The following SEC14L5 variants were observed in gnomAD, a reference collection of about 807,000 sequenced individuals.
SEC14L5 encodes SEC14-like protein 5.
A neutral mutation model predicts 84.6 loss-of-function variants in SEC14L5; 96 were observed. The observed-to-expected ratio is 1.13, with a 90% confidence interval of 0.96 to 1.34. SEC14L5 has a LOEUF of 1.34. SEC14L5 is among the 40% of genes most tolerant of loss of function. The pLI is 0.00. For missense variants in SEC14L5, 1,224 were observed against 942.5 expected (o/e 1.30, Z -3.91); for synonymous variants, 546 against 383.4 (o/e 1.42, Z -4.95).
At chr16:4,971,431 C>G (rs1955278448) in intron 2 of SEC14L5, among the ~76,000 whole-genome samples, 1 of 152,186 alleles carries the variant, frequency 6.6e-6, no homozygotes, top group African/African-American at 2.4e-5. Flanking sequence ...TGCACTCCAG[C>G]CTGGGTGATA....
intron 8 of SEC14L5, among the ~76,000 whole-genome samples, chr16:5,000,405 TG>T (rs754112440): frequency 6.6e-6 from 1 of 152,244 alleles, no homozygotes. Flanking sequence ...CCCAAAATGC[TG>T]GGGTAATAGG....
intron 14 of SEC14L5, 88 bp from the exon 15 acceptor site, chr16:5,011,007 C>G: frequency 7.6e-7 from 1 of 1,308,452 alleles, no homozygotes; most frequent in Non-Finnish European, 1.0e-6. Context: ...ATTTCCAGGC[C>G]TGGTGATGAG....
Position 5,015,059 on chromosome 16 carries a change from C to T in SEC14L5, c.*89C>T. 9.5e-7 allele frequency: 1 copy of T among 1,055,236 alleles called. No homozygotes were observed. The highest frequency in any genetic ancestry group is 1.4e-6 in the Non-Finnish European group (1 of 715,328). The allele number at this position is 1,055,236 out of a possible 1,614,324, so 65.4% of individuals were successfully genotyped here. On this transcript the variant is annotated 3_prime_UTR_variant, in exon 16 of 16. Coordinates refer to ENST00000251170, the MANE Select transcript of SEC14L5 (RefSeq NM_014692.2). Reference sequence around the variant, plus strand: ...GCCAGCTAACTGCAGGGCCTGGGACCATGTGGGCTGGAGCCCCAGGCCTAG... The same window carrying T: ...GCCAGCTAACTGCAGGGCCTGGGACTATGTGGGCTGGAGCCCCAGGCCTAG...
chr16:4,988,426 G>C (rs959710615), intron 4 of SEC14L5, 146 bp downstream of exon 4: 3 of 1,015,454 alleles, frequency 3.0e-6, no homozygotes, highest in South Asian at 3.4e-5. Flanking sequence ...CAGGATGCTT[G>C]GTTGCCTTTG....
At chr16:4,994,348 C>A (rs1352234579) in intron 6 of SEC14L5, among the ~76,000 whole-genome samples, 1 of 152,040 alleles carries the variant, frequency 6.6e-6, no homozygotes, top group African/African-American at 2.4e-5. Context: ...ATTCATACAA[C>A]ATGTATTATT....
At chr16:5,008,323 AC>A (rs1444018559) in intron 13 of SEC14L5, 97 bp from the exon 14 acceptor site, 16 of 811,668 alleles carry the variant, frequency 2.0e-5, no homozygotes. Flanking sequence ...GGGAAAGGAG[AC>A]CCCAGGGGGC....
At chr16:5,002,581 C>G (rs947340003) in intron 10 of SEC14L5, among the ~76,000 whole-genome samples, 1 of 152,116 alleles carries the variant, frequency 6.6e-6, no homozygotes, top group African/African-American at 2.4e-5. Flanking sequence ...GTGTCCTGGC[C>G]GGAAGCATAA....
intron 11 of SEC14L5, among the ~76,000 whole-genome samples, chr16:5,003,839 G>T (rs1955703769): frequency 6.6e-6 from 1 of 152,236 alleles, no homozygotes; most frequent in Non-Finnish European, 1.5e-5. Flanking sequence ...CCATTATCGT[G>T]GGTCTCAAAT....
intron 2 of SEC14L5, among the ~76,000 whole-genome samples, chr16:4,985,036 A>T (rs1955468459): frequency 2.0e-5 from 3 of 152,076 alleles, no homozygotes; most frequent in Non-Finnish European, 4.4e-5. Context: ...TCTTGCTTGT[A>T]TCCTTTGAAA....
chr16:4,967,954 C>G (rs1389852343), intron 2 of SEC14L5, among the ~76,000 whole-genome samples: 4 of 137,428 alleles, frequency 2.9e-5, no homozygotes, highest in East Asian at 2.3e-4. Context: ...CCCCTCCCCC[C>G]CTCCCCCTTC....
intron 2 of SEC14L5, among the ~76,000 whole-genome samples, chr16:4,979,964 A>C (rs541577429): frequency 6.6e-6 from 1 of 152,196 alleles, no homozygotes; most frequent in African/African-American, 2.4e-5. Context: ...TTTCCAAGCC[A>C]CCGATGCTTG....
intron 14 of SEC14L5, among the ~76,000 whole-genome samples, chr16:5,009,811 C>T (rs1046409917): frequency 7.2e-5 from 11 of 151,966 alleles, no homozygotes; most frequent in South Asian, 2.1e-4. Flanking sequence ...TCAGTATGGA[C>T]GAAGACCTTG....
chr16:4,988,354 T>C (rs2142503754), intron 4 of SEC14L5, 74 bp downstream of exon 4: 4 of 1,548,798 alleles, frequency 2.6e-6, no homozygotes, highest in Non-Finnish European at 3.5e-6. Flanking sequence ...CCCAGAGCTG[T>C]GTCCCCACAT....
At chr16:4,983,364 T>C (rs1955446717) in intron 2 of SEC14L5, among the ~76,000 whole-genome samples, 1 of 151,076 alleles carries the variant, frequency 6.6e-6, no homozygotes, top group Non-Finnish European at 1.5e-5. Context: ...TATGAAATAA[T>C]ATATTTACAT....
intron 10 of SEC14L5, among the ~76,000 whole-genome samples, chr16:5,001,484 C>T (rs952799887): frequency 2.2e-4 from 34 of 152,238 alleles, no homozygotes; most frequent in African/African-American, 7.9e-4. Context: ...TGGTCTCGGT[C>T]TCCTGACCTC....
rs531864188 is a variant in SEC14L5, at chr16:5,001,023, A to G, written c.1130+98A>G. On this transcript the variant is annotated intron_variant, in intron 10 of 15. Transcript: ENST00000251170. The stretch of plus-strand genomic sequence containing the variant: ...TATGTGCTGGGCTGGGCAGCGTGCC[A>G]GGGGCTTCATTCTCCCCCAGTTTCT... The G allele has an allele frequency of 2.6e-5, 25 of 950,156 alleles. No homozygotes were observed. In the East Asian group the frequency reaches 6.3e-4, roughly 24 times the overall value. The allele number at this position is 950,156 out of a possible 1,614,324, so 58.9% of individuals were successfully genotyped here.
chr16:4,991,446 G>A (rs184261199), intron 5 of SEC14L5, among the ~76,000 whole-genome samples: 1 of 151,796 alleles, frequency 6.6e-6, no homozygotes, highest in African/African-American at 2.4e-5. Flanking sequence ...TGTGCCTATA[G>A]TCCCAGCTGC....
chr16:4,981,911 G>A (rs1955428529), intron 2 of SEC14L5, among the ~76,000 whole-genome samples: 1 of 152,176 alleles, frequency 6.6e-6, no homozygotes, highest in South Asian at 2.1e-4. Flanking sequence ...TCCTCCGTGG[G>A]GAGATGATTT....
At chr16:4,996,268 G>C in intron 6 of SEC14L5, 80 bp from the exon 7 acceptor site, 1 of 853,396 alleles carries the variant, frequency 1.2e-6, no homozygotes, top group Non-Finnish European at 1.9e-6. Flanking sequence ...GAGGCAGCCA[G>C]TAAGGAATGG....
Sources: gnomAD v4.1 joint callset for allele counts (sites outside exome capture counted in the v4.1 genomes callset) on GRCh38, gnomAD v4.1.1 for gene constraint, MANE v1.5 for transcripts, NCBI Gene and HGNC (gene_info 2026-07-23, HGNC 2026-07-21) for gene names.